The following GAA variants were observed in gnomAD, a reference collection of about 807,000 sequenced individuals.
GAA encodes alpha glucosidase, also known as lysosomal alpha-glucosidase.
Under a neutral mutation model 103.9 loss-of-function variants are expected in GAA, and 88 were observed. That is an observed-to-expected ratio of 0.85 (90% CI 0.71 to 1.01). The LOEUF (loss-of-function observed/expected upper bound fraction) is 1.01, where lower values mean the gene tolerates loss of function less well. Ranked by LOEUF, GAA falls within the 50% of genes least tolerant of loss-of-function variation. GAA has a pLI of 0.00. For synonymous variants in GAA, 572 were observed against 563.1 expected (o/e 1.02, Z -0.22); for missense variants, 1,350 against 1,305.3 (o/e 1.03, Z -0.53).
intron 11 of GAA, chr17:80,111,776 T>C (rs989522713): frequency 4.8e-5 from 28 of 587,856 alleles, no homozygotes; most frequent in African/African-American, 3.5e-4. Context: ...CGCCCAGCCC[T>C]GTCTTAGAAG....
At chr17:80,115,071 T>C (rs146767109) in intron 15 of GAA, among the ~76,000 whole-genome samples, 1 of 147,144 alleles carries the variant, frequency 6.8e-6, no homozygotes, top group East Asian at 2.0e-4. Flanking sequence ...GAGTTTATCT[T>C]ACTGGGAGTT....
chr17:80,116,836 C>T, intron 15 of GAA, 132 bp from the exon 16 acceptor site: 1 of 1,002,534 alleles, frequency 1.0e-6, no homozygotes, highest in Non-Finnish European at 1.5e-6. Flanking sequence ...GACCTGAGTC[C>T]TCCAAGTCCT....
rs1800318 is a variant in GAA at position 80,119,474 on chromosome 17, C to T, written c.*143C>T. 1.9e-4 allele frequency: 139 copies of T among 737,170 alleles called. 1 individual carries two copies. The African/African-American group carries it at 2.0e-3, about 10-fold the overall frequency. The allele number at this position is 737,170 out of a possible 1,614,324, so 45.7% of individuals were successfully genotyped here. On this transcript the variant is annotated 3_prime_UTR_variant, in exon 20 of 20. Transcript: ENST00000302262. ...CACTAACCATTCCAAGCCGCCGCAT[C>T]GCTTGTTTCCACCTCCTGGGCCGGG... is the stretch of plus-strand genomic sequence containing the variant.
intron 18 of GAA, 63 bp from the exon 19 acceptor site, chr17:80,118,590 G>A: frequency 6.3e-7 from 1 of 1,592,294 alleles, no homozygotes; most frequent in South Asian, 1.1e-5. Flanking sequence ...GGGTGTTCCT[G>A]CCCCAGCTGT....
intron 15 of GAA, among the ~76,000 whole-genome samples, chr17:80,116,451 G>T (rs1425711978): frequency 6.6e-6 from 1 of 152,228 alleles, no homozygotes; most frequent in Non-Finnish European, 1.5e-5. Context: ...CAGGAAACAG[G>T]ACAGGGCAGA....
chr17:80,119,098 C>T (rs1416080944), intron 19 of GAA, among the ~76,000 whole-genome samples, 174 bp from the exon 20 acceptor site: 1 of 152,172 alleles, frequency 6.6e-6, no homozygotes, highest in Non-Finnish European at 1.5e-5. Flanking sequence ...TCCCCCTGCG[C>T]CTGCCGGGGA....
rs767494597 is a variant in GAA at position 80,117,659 on chromosome 17, C to T, written c.2391C>T (p.Ala797=). 94 of 1,612,812 alleles carry T rather than the reference C, an allele frequency of 5.8e-5. 2 individuals carry two copies. The East Asian group carries it at 2.1e-3, about 36-fold the overall frequency. ...CACCTGCAGCTCCCCGTGAGCCAGC[C>T]ATCCACAGCGAGGGGCAGTGGGTGA... ...PPPPAAPREP[A]IHSEGQWVTL... is the part of the protein sequence containing the mutation. The change falls in exon 17 of 20, where the codon GCC becomes GCT. Residue 797 remains alanine, a synonymous_variant. Coordinates refer to ENST00000302262, the MANE Select transcript of GAA (RefSeq NM_000152.5).
At chr17:80,103,788 T>C (rs988624652) in intron 1 of GAA, among the ~76,000 whole-genome samples, 3 of 152,224 alleles carry the variant, frequency 2.0e-5, no homozygotes, top group Non-Finnish European at 2.9e-5. Context: ...CTTTCTCTCT[T>C]GTGGCTTTGC....
At chr17:80,103,394 A>G (rs1847694961) in intron 1 of GAA, among the ~76,000 whole-genome samples, 1 of 152,084 alleles carries the variant, frequency 6.6e-6, no homozygotes, top group Non-Finnish European at 1.5e-5. Flanking sequence ...CTGGGGTCAG[A>G]CTTGCCTAGG....
Position 80,104,482 on chromosome 17 carries a change from C to CA in GAA, c.-32-72dup. ...GCAGTGCCAGCCGCGGTTGATGTCT[C>CA]AGAGCTGCTTTGAGAGCCCCGTGAG... is the stretch of plus-strand genomic sequence containing the variant. On this transcript the variant is annotated intron_variant, in intron 1 of 19. Transcript: ENST00000302262. The surrounding 1 kb of genome is among the most constrained non-coding windows in gnomAD (Gnocchi z 4.0). The CA allele has an allele frequency of 8.7e-7, 1 of 1,155,412 alleles. No homozygotes were observed. Among genetic ancestry groups the CA allele is most frequent in the South Asian group, 1.5e-5 (1 of 65,408 alleles). 71.6% of individuals were successfully genotyped at this position (1,155,412 alleles called of 1,614,324 possible).
At position 80,112,116 on chromosome 17, in the gene GAA, C is replaced by T. The variant is rs369836797; in HGVS notation, c.1754+16C>T. On this transcript the variant is annotated intron_variant, in intron 12 of 19. Transcript: ENST00000302262. ...CCTCCCACAGGTGAGGGCCACGTCC[C>T]GCCCCACTGGGCTCTGCCCTCACAG... The T allele has an allele frequency of 2.6e-5, 41 of 1,601,954 alleles. 1 individual carries two copies. In the East Asian group the frequency reaches 2.9e-4, roughly 11 times the overall value.
At chr17:80,113,168 A>G in intron 14 of GAA, 50 bp from the exon 15 acceptor site, 2 of 1,549,636 alleles carry the variant, frequency 1.3e-6, no homozygotes. Context: ...ACTCCAGGGG[A>G]CCGCGGCCCC....
intron 11 of GAA, 25 bp from the exon 12 acceptor site, chr17:80,111,958 G>C: frequency 6.2e-7 from 1 of 1,602,740 alleles, no homozygotes; most frequent in South Asian, 1.1e-5. Context: ...GAAGCTCCCT[G>C]GAAACCAGCC....
chr17:80,118,644 T>C lies in GAA; in HGVS notation c.2647-9T>C. ...TCTCTGCCTTTTCATCTCTCTCTGC[T>C]CGGCCCAGAACACGATCGTGAATGA... On this transcript the variant is annotated splice_polypyrimidine_tract_variant and intron_variant, in intron 18 of 19. Transcript: ENST00000302262. 6.2e-7 allele frequency: 1 copy of C among 1,611,686 alleles called. No individual in the cohort carries two copies. Among genetic ancestry groups the C allele is most frequent in the African/African-American group, 1.3e-5 (1 of 75,008 alleles).
At chr17:80,114,655 G>A (rs1371173783) in intron 15 of GAA, among the ~76,000 whole-genome samples, 1 of 152,030 alleles carries the variant, frequency 6.6e-6, no homozygotes, top group Admixed American at 6.5e-5. Flanking sequence ...AAATAGGAGG[G>A]AAAAATGGGT....
At chr17:80,115,101 A>G (rs1234984013) in intron 15 of GAA, among the ~76,000 whole-genome samples, 2 of 151,916 alleles carry the variant, frequency 1.3e-5, no homozygotes, top group Non-Finnish European at 2.9e-5. Context: ...TCTTGGACGT[A>G]TGCATTGATG....
intron 11 of GAA, 104 bp downstream of exon 11, chr17:80,111,129 GC>G: frequency 1.9e-6 from 2 of 1,051,492 alleles, no homozygotes; most frequent in Non-Finnish European, 2.8e-6. Flanking sequence ...AGATGGGCCA[GC>G]GGGGAAAGGG....
At position 80,119,762 on chromosome 17, in the gene GAA, A is replaced by G. The variant is rs2039443212; in HGVS notation, c.*431A>G. 4.5e-6 allele frequency: 1 copy of G among 222,990 alleles called. No individual in the cohort carries two copies. Among genetic ancestry groups the G allele is most frequent in the South Asian group, 6.6e-5 (1 of 15,044 alleles). 13.8% of individuals were successfully genotyped at this position (222,990 alleles called of 1,614,324 possible). A position where few individuals can be genotyped will look rare whatever the true frequency, so the allele number is the denominator to read the frequency against. ...CAACGCGACCGCTGCCCGGCTGCCCAGAGGGCTGGATGCCTGCCGGTCCCC... is the reference window on the plus strand; with the variant it reads ...CAACGCGACCGCTGCCCGGCTGCCCGGAGGGCTGGATGCCTGCCGGTCCCC... On this transcript the variant is annotated 3_prime_UTR_variant, in exon 20 of 20. Transcript: ENST00000302262.
intron 3 of GAA, among the ~76,000 whole-genome samples, chr17:80,106,156 C>T (rs2039082249): frequency 6.6e-6 from 1 of 152,216 alleles, no homozygotes; most frequent in South Asian, 2.1e-4. Context: ...CTCTCAGGAA[C>T]GACAGCACTT....
Sources: allele counts gnomAD v4.1 joint callset (sites outside exome capture counted in the v4.1 genomes callset), GRCh38; gene constraint gnomAD v4.1.1; non-coding constraint Gnocchi (gnomAD v3.1); transcripts MANE v1.5; gene names NCBI Gene and HGNC (gene_info 2026-07-23, HGNC 2026-07-21).